HELLS: variants seen among roughly 807,000 people sequenced by gnomAD.
HELLS encodes helicase, lymphoid specific.
In HELLS, 32 loss-of-function variants were observed where a neutral mutation model predicts 120.0. That is an observed-to-expected ratio of 0.27 (90% CI 0.20 to 0.36). HELLS has a LOEUF of 0.36. Ranked by LOEUF, HELLS falls within the 10% of genes least tolerant of loss-of-function variation. The pLI, the probability that HELLS is intolerant of heterozygous loss-of-function variation, is 1.00. For missense variants in HELLS, 650 were observed against 993.4 expected (o/e 0.65, Z 4.65); for synonymous variants, 341 against 323.4 (o/e 1.05, Z -0.58).
At chr10:94,554,019 T>C (rs894773596) in intron 2 of HELLS, 107 bp from the exon 3 acceptor site, 23 of 1,070,130 alleles carry the variant, frequency 2.1e-5, no homozygotes, top group Admixed American at 2.9e-5. Flanking sequence ...TTTGAAAGTG[T>C]TTGGTTTAAA....
At chr10:94,586,947 G>A (rs1477647765) in intron 12 of HELLS, among the ~76,000 whole-genome samples, 4 of 151,904 alleles carry the variant, frequency 2.6e-5, no homozygotes, top group Non-Finnish European at 5.9e-5. Flanking sequence ...TGCTCGCCTC[G>A]GCTTCCCAAA....
At chr10:94,554,360 T>C (rs1056428438) in intron 3 of HELLS, 112 bp downstream of exon 3, 3 of 742,932 alleles carry the variant, frequency 4.0e-6, no homozygotes, top group African/African-American at 1.9e-5. Flanking sequence ...TACGGTTTGC[T>C]GAGTTTTGAC....
chr10:94,549,742 A>C (rs1371557513), intron 2 of HELLS, among the ~76,000 whole-genome samples: 1 of 152,174 alleles, frequency 6.6e-6, no homozygotes, highest in Non-Finnish European at 1.5e-5. Context: ...TAATAGATGG[A>C]GTTGCAATTT....
downstream of HELLS, among the ~76,000 whole-genome samples, chr10:94,603,367 C>T (rs115045283): frequency 3.1e-3 from 469 of 152,304 alleles, 3 homozygotes; most frequent in African/African-American, 0.011. Context: ...CAGTTGTTGA[C>T]TCTTCTCCAT....
At chr10:94,566,393 A>C (rs1353810787) in intron 6 of HELLS, among the ~76,000 whole-genome samples, 1 of 152,168 alleles carries the variant, frequency 6.6e-6, no homozygotes, top group Non-Finnish European at 1.5e-5. Flanking sequence ...GCATTGAACA[A>C]ATATCCAGGG....
chr10:94,566,061 T>A (rs1589720249), intron 6 of HELLS, among the ~76,000 whole-genome samples: 1 of 152,068 alleles, frequency 6.6e-6, no homozygotes, highest in Non-Finnish European at 1.5e-5. Flanking sequence ...CCTGGCTGAT[T>A]TTTGTATTTT....
downstream of HELLS, among the ~76,000 whole-genome samples, chr10:94,605,377 C>G (rs1426877080): frequency 6.6e-6 from 1 of 152,160 alleles, no homozygotes. Context: ...GCCACTGCGC[C>G]TGGCTGGATC....
chr10:94,554,815 T>G (rs1284155796), intron 3 of HELLS, among the ~76,000 whole-genome samples: 1 of 152,046 alleles, frequency 6.6e-6, no homozygotes, highest in Non-Finnish European at 1.5e-5. Context: ...TCACCAGTGG[T>G]CACGATTGAA....
chr10:94,563,574 C>T (rs1843655785), intron 6 of HELLS, among the ~76,000 whole-genome samples: 1 of 152,000 alleles, frequency 6.6e-6, no homozygotes, highest in Non-Finnish European at 1.5e-5. Context: ...GCAGCCTCGA[C>T]CTCATGGGCT....
Position 94,573,983 on chromosome 10 carries a change from T to C in HELLS, c.501T>C (p.Asn167=), listed in dbSNP as rs371768714. The part of the protein sequence containing the change: ...ENEDENSSST[N]LCVEDLQKNK... The stretch of plus-strand genomic sequence containing the variant: ...AGGATGAAAACTCCTCCTCTACTAA[T>C]CTCTGTGTGGAAGATCTTCAGAAAA... The change falls in exon 8 of 22, where the codon AAT becomes AAC. Residue 167 remains asparagine (N), a synonymous_variant. Coordinates refer to ENST00000348459, the MANE Select transcript of HELLS (RefSeq NM_018063.5). 6.8e-6 allele frequency: 11 copies of C among 1,608,030 alleles called. No homozygotes were observed. Among genetic ancestry groups the C allele is most frequent in the Admixed American group, 1.7e-5 (1 of 59,954 alleles).
At chr10:94,578,056 G>A (rs1180592419) in intron 10 of HELLS, among the ~76,000 whole-genome samples, 4 of 137,422 alleles carry the variant, frequency 2.9e-5, no homozygotes, top group Admixed American at 7.9e-5. Flanking sequence ...GGCCGACAGA[G>A]CGAGACTCCG....
intron 10 of HELLS, among the ~76,000 whole-genome samples, chr10:94,578,507 G>T (rs1844635073): frequency 1.3e-5 from 2 of 152,060 alleles, no homozygotes; most frequent in African/African-American, 4.8e-5. Context: ...GACCATCCTG[G>T]CCAAGATGGT....
intron 7 of HELLS, among the ~76,000 whole-genome samples, chr10:94,572,636 A>G (rs887866299): frequency 6.6e-6 from 1 of 152,142 alleles, no homozygotes; most frequent in African/African-American, 2.4e-5. Context: ...GGTTGCTATG[A>G]TAATTTGCAC....
intron 10 of HELLS, among the ~76,000 whole-genome samples, chr10:94,580,022 G>A (rs1040823923): frequency 6.6e-6 from 1 of 150,514 alleles, no homozygotes; most frequent in Non-Finnish European, 1.5e-5. Flanking sequence ...TGCTGAGTGC[G>A]AGTGGAAGTG....
chr10:94,562,545 A>C, intron 4 of HELLS, 146 bp from the exon 5 acceptor site: 1 of 523,732 alleles, frequency 1.9e-6, no homozygotes. Context: ...GAAAAATATT[A>C]CATGTAGGTA....
Position 94,576,536 on chromosome 10 carries a change from A to T in HELLS, c.889-126A>T, listed in dbSNP as rs185445167. ...TTAGAATTGCTTGGCTTATTTTGCT[A>T]TAGAAAAATAGAAATAAAATTTTTT... On this transcript the variant is annotated intron_variant, in intron 9 of 21. Coordinates refer to ENST00000348459, the MANE Select transcript of HELLS (RefSeq NM_018063.5). 80 of 502,608 alleles carry T rather than the reference A, an allele frequency of 1.6e-4. 1 individual carries two copies. The highest frequency in any genetic ancestry group is 1.5e-3 in the African/African-American group (75 of 51,118). The allele number at this position is 502,608 out of a possible 1,614,324, so 31.1% of individuals were successfully genotyped here. A position where few individuals can be genotyped will look rare whatever the true frequency, so the allele number is the denominator to read the frequency against.
chr10:94,607,816 C>T (rs578197171), intron 8 of HELLS: 5 of 264,798 alleles, frequency 1.9e-5, no homozygotes, highest in African/African-American at 6.9e-5. Context: ...CCTCTGCCTC[C>T]GAGCGGGGTC....
intron 21 of HELLS, among the ~76,000 whole-genome samples, chr10:94,597,628 G>C (rs936705514): frequency 6.6e-6 from 1 of 152,108 alleles, no homozygotes; most frequent in South Asian, 2.1e-4. Context: ...AGCCTCCTGG[G>C]TTCAAGGGAT....
In HELLS at chr10:94,558,121, G is replaced by T; in HGVS notation, c.277-18G>T. On this transcript the variant is annotated intron_variant, in intron 3 of 21. Coordinates refer to ENST00000348459, the MANE Select transcript of HELLS (RefSeq NM_018063.5). ...GTTGCACTTTCCACTTGTGACATAA[G>T]AAAAAATTGTCTTACAGGAACAGAA... 6.4e-7 allele frequency: 1 copy of T among 1,552,086 alleles called. No homozygotes were observed. The highest frequency in any genetic ancestry group is 1.3e-5 in the South Asian group (1 of 78,162).
Sources: gnomAD v4.1 joint callset for allele counts (sites outside exome capture counted in the v4.1 genomes callset) on GRCh38, gnomAD v4.1.1 for gene constraint, MANE v1.5 for transcripts, NCBI Gene and HGNC (gene_info 2026-07-23, HGNC 2026-07-21) for gene names.